The following DDX54 variants were observed in gnomAD, a reference collection of about 807,000 sequenced individuals.
The protein encoded by DDX54 is DEAD-box helicase 54, also known as ATP-dependent RNA helicase DDX54.
Under a neutral mutation model 105.5 loss-of-function variants are expected in DDX54, and 67 were observed. The ratio of observed to expected loss-of-function variants is 0.64; its 90% CI spans 0.52 to 0.78. DDX54 has a LOEUF of 0.78. Among genes scored for constraint, DDX54 ranks in the 30% least tolerant of loss-of-function variants. The pLI is 0.00. For missense variants in DDX54, 1,206 were observed against 1,230.5 expected (o/e 0.98, Z 0.30); for synonymous variants, 514 against 509.9 (o/e 1.01, Z -0.11).
At chr12:113,184,840 TAATTC>T (rs1952507980) in intron 1 of DDX54, among the ~76,000 whole-genome samples, 1 of 152,160 alleles carries the variant, frequency 6.6e-6, no homozygotes, top group African/African-American at 2.4e-5. Flanking sequence ...AAAATTGTTT[TAATTC>T]GTTTCCCAGA....
At chr12:113,172,758 C>T (rs1225920220) in intron 10 of DDX54, among the ~76,000 whole-genome samples, 195 bp from the exon 11 acceptor site, 1 of 152,210 alleles carries the variant, frequency 6.6e-6, no homozygotes, top group Non-Finnish European at 1.5e-5. Context: ...CAACACCTCC[C>T]ACCTCTCTGC....
At position 113,172,488 on chromosome 12, in the gene DDX54, C is replaced by A. The variant is rs371262722; in HGVS notation, c.1144G>T (p.Ala382Ser). 1 of 1,614,234 alleles carries A rather than the reference C, an allele frequency of 6.2e-7. No individual in the cohort carries two copies. Among genetic ancestry groups the A allele is most frequent in the Non-Finnish European group, 8.5e-7 (1 of 1,180,048 alleles). Residue 382 changes from alanine (A) to serine (S), a missense_variant, in exon 11 of 20, where the codon GCC becomes TCC. Physicochemically the swap from Ala to Ser is moderately conservative, Grantham distance 99. This residue lies in a region of DDX54 where 961 missense variants were observed against 1,019.1 expected (regional missense o/e 0.94). Coordinates refer to ENST00000306014, the MANE Select transcript of DDX54 (RefSeq NM_024072.4). ...GAGCACTTGCCAAGCGTGAATTTGG[C>A]GAGATTGATCTTGCGGGCTGTCGGG... ...LDPTARKINL[A>S]KFTLGKCSTL... is the part of the protein sequence containing the mutation.
At chr12:113,180,027 CA>C (rs751136375) in intron 2 of DDX54, 22 bp from the exon 3 acceptor site, 55 of 1,613,692 alleles carry the variant, frequency 3.4e-5, no homozygotes, top group Non-Finnish European at 4.6e-5. Flanking sequence ...ATGAAACGGT[CA>C]GGGGGCCGAG....
intron 1 of DDX54, among the ~76,000 whole-genome samples, chr12:113,184,181 G>C (rs544920823): frequency 1.3e-5 from 2 of 152,156 alleles, no homozygotes; most frequent in South Asian, 4.1e-4. Flanking sequence ...CCCGACCTCA[G>C]GTGATCCGCC....
Position 113,157,629 on chromosome 12 carries a change from G to A in DDX54, c.*1248C>T. 1.9e-6 allele frequency: 3 copies of A among 1,551,664 alleles called. No homozygotes were observed. The highest frequency in any genetic ancestry group is 1.7e-6 in the Non-Finnish European group (2 of 1,147,008). ...GAAGCTGTTCATGCAGGACCTCTCT[G>A]CCATGCTGGCCGGCCTGGGTCAGGC... On this transcript the variant is annotated 3_prime_UTR_variant, in exon 20 of 20. Coordinates refer to ENST00000306014, the MANE Select transcript of DDX54 (RefSeq NM_024072.4).
At position 113,179,331 on chromosome 12, in the gene DDX54, T is replaced by C. The variant is rs1451039739; in HGVS notation, c.376A>G (p.Thr126Ala). 6.2e-7 allele frequency: 1 copy of C among 1,612,284 alleles called. No individual in the cohort carries two copies. Among genetic ancestry groups the C allele is most frequent in the Non-Finnish European group, 8.5e-7 (1 of 1,179,878 alleles). ...YKVPTPIQRK[T>A]IPVILDGKDV... Reference sequence around the variant, plus strand: ...TTGCCATCCAAGATCACCGGGATGGTCTGGAGAGGCACAAGCAGGGAAGTC... The same window carrying C: ...TTGCCATCCAAGATCACCGGGATGGCCTGGAGAGGCACAAGCAGGGAAGTC... The change falls in exon 4 of 20, where the codon ACC becomes GCC. Residue 126 changes from threonine (T) to alanine (A), a missense_variant and splice_region_variant. By Grantham distance (58) the Thr-to-Ala change is moderately conservative. Coordinates refer to ENST00000306014, the MANE Select transcript of DDX54 (RefSeq NM_024072.4).
chr12:113,162,870 G>A, intron 17 of DDX54, 62 bp downstream of exon 17: 1 of 1,480,924 alleles, frequency 6.8e-7, no homozygotes, highest in African/African-American at 1.4e-5. Context: ...CCCAGGCACG[G>A]AGGAGCAGCT....
chr12:113,161,794 T>TCCCCGC lies in DDX54; in HGVS notation c.2300+93_2300+98dup, dbSNP rs1214387863. 4.8e-3 allele frequency: 412 copies of TCCCCGC among 85,584 alleles called. 2 individuals carry two copies. Among genetic ancestry groups the TCCCCGC allele is most frequent in the African/African-American group, 0.046 (339 of 7,396 alleles). 5.3% of individuals were successfully genotyped at this position (85,584 alleles called of 1,614,324 possible). On this transcript the variant is annotated intron_variant, in intron 18 of 19. Coordinates refer to ENST00000306014, the MANE Select transcript of DDX54 (RefSeq NM_024072.4). ...TAAGCCGCTCAGCCCCGCCCCCTCC[T>TCCCCGC]CCCCGCCCCCGCCCCCGCCCCCAGG...
chr12:113,157,515 AC>A lies in DDX54; in HGVS notation c.*1361del. 9.3e-7 allele frequency: 1 copy of A among 1,071,124 alleles called. No homozygotes were observed. Among genetic ancestry groups the A allele is most frequent in the Non-Finnish European group, 1.4e-6 (1 of 716,362 alleles). The allele number at this position is 1,071,124 out of a possible 1,614,324, so 66.4% of individuals were successfully genotyped here. On this transcript the variant is annotated 3_prime_UTR_variant, in exon 20 of 20. Transcript: ENST00000306014. ...TGAGGGGATCTCCAGTCCCCGCCCT[AC>A]CTTTCGGCCTCCCCCGCGTGTTGAG...
At position 113,174,735 on chromosome 12, in the gene DDX54, C is replaced by A. The variant is rs778985433; in HGVS notation, c.973G>T (p.Ala325Ser). Reference protein sequence around the residue: ...FFLVREDTKAAVLLHLLHNVV... With the variant: ...FFLVREDTKASVLLHLLHNVV... ...TTGTGCAGCAGGTGGAGCAGCACGG[C>A]AGCCTTGGTGTCCTCCCGCACGAGG... is the stretch of plus-strand genomic sequence containing the variant. Residue 325 changes from alanine to serine, a missense_variant, in exon 10 of 20, where the codon GCC (alanine) becomes TCC (serine). Transcript: ENST00000306014. 6.2e-7 allele frequency: 1 copy of A among 1,609,794 alleles called. No individual in the cohort carries two copies. The highest frequency in any genetic ancestry group is 1.1e-5 in the South Asian group (1 of 90,964).
intron 19 of DDX54, 190 bp from the exon 20 acceptor site, chr12:113,159,299 C>T: frequency 6.6e-6 from 4 of 606,456 alleles, no homozygotes; most frequent in Middle Eastern, 8.8e-4. Context: ...TAACACGGGG[C>T]CAGAACCGCT....
Sources: gnomAD v4.1 joint callset for allele counts (sites outside exome capture counted in the v4.1 genomes callset) on GRCh38, gnomAD v4.1.1 for gene constraint, gnomAD v4.1.1 regional missense constraint, MANE v1.5 for transcripts, NCBI Gene and HGNC (gene_info 2026-07-23, HGNC 2026-07-21) for gene names.